The following TGIF1 variants were observed in gnomAD, a reference collection of about 807,000 sequenced individuals.
TGIF1 encodes the protein homeobox protein TGIF1.
In TGIF1, 4 loss-of-function variants were observed where a neutral mutation model predicts 19.3. The ratio of observed to expected loss-of-function variants is 0.21; its 90% CI spans 0.10 to 0.47. TGIF1 has a LOEUF of 0.47. Ranked by LOEUF, TGIF1 falls within the 20% of genes least tolerant of loss-of-function variation. The pLI, the probability that TGIF1 is intolerant of heterozygous loss-of-function variation, is 0.98. For missense variants in TGIF1, 275 were observed against 341.4 expected, an observed-to-expected ratio of 0.81 and a Z score of 1.53; for synonymous variants, 122 against 129.3, an observed-to-expected ratio of 0.94 and a Z score of 0.38.
chr18:3,458,368 G>T lies in TGIF1; in HGVS notation c.*428G>T. The T allele has an allele frequency of 6.2e-6, 1 of 160,730 alleles. No individual in the cohort carries two copies. Among genetic ancestry groups the T allele is most frequent in the Admixed American group, 6.0e-5 (1 of 16,676 alleles). 10.0% of individuals were successfully genotyped at this position (160,730 alleles called of 1,614,324 possible). A position where few individuals can be genotyped will look rare whatever the true frequency, so the allele number is the denominator to read the frequency against. On this transcript the variant is annotated 3_prime_UTR_variant, in exon 3 of 3. Coordinates refer to ENST00000343820, the MANE Select transcript of TGIF1 (RefSeq NM_003244.4). The stretch of plus-strand genomic sequence containing the variant: ...CAAACAAGTATGAATCTAGTTGGTT[G>T]ATGCCTTTTTTTTCATGACATAATA...
At position 3,459,814 on chromosome 18, in the gene TGIF1, G is replaced by A. The variant is rs2049465072; in HGVS notation, c.*1874G>A. Reference sequence around the variant, plus strand: ...CCTATTGAGGTTGTTACAGGTCATGGTTGATAATAGTTGGTGTTGAATGAA... The same window carrying A: ...CCTATTGAGGTTGTTACAGGTCATGATTGATAATAGTTGGTGTTGAATGAA... On this transcript the variant is annotated 3_prime_UTR_variant, in exon 3 of 3. Transcript: ENST00000343820. The A allele has an allele frequency of 2.0e-5, 3 of 152,182 alleles. No individual in the cohort carries two copies. The highest frequency in any genetic ancestry group is 2.0e-4 in the Admixed American group (3 of 15,280). 9.4% of individuals were successfully genotyped at this position (152,182 alleles called of 1,614,324 possible). A position where few individuals can be genotyped will look rare whatever the true frequency, so the allele number is the denominator to read the frequency against.
In TGIF1 at chr18:3,450,451, G is replaced by C; in HGVS notation, c.-39G>C. 1 of 1,553,966 alleles carries C rather than the reference G, an allele frequency of 6.4e-7. No homozygotes were observed. The highest frequency in any genetic ancestry group is 8.7e-7 in the Non-Finnish European group (1 of 1,148,588). On this transcript the variant is annotated 5_prime_UTR_variant, in exon 1 of 3. Transcript: ENST00000343820. ...TGTGTCCCCGCTCCTGGCCCCTCCA[G>C]ACCCCCGCCTTGCCTCGCGCTGGGA...
chr18:3,456,533 C>T lies in TGIF1; in HGVS notation c.196C>T (p.Gln66Ter). ...EHRYNAYPSE[Q>*]EKALLSQQTH... ...CCGTTACAATGCCTATCCTTCAGAG[C>T]AAGAAAAAGCGTTGCTGTCCCAGCA... Residue 66 changes from glutamine to a stop codon, truncating the protein, a stop_gained, in exon 2 of 3, where the codon CAA (glutamine) becomes TAA (stop). Transcript: ENST00000343820. LOFTEE classifies it high-confidence loss of function. This position sits in a 1 kb window ranked among gnomAD's most constrained non-coding sequence, Gnocchi z 4.2. 2 of 1,614,208 alleles carry T rather than the reference C, an allele frequency of 1.2e-6. No individual in the cohort carries two copies. Among genetic ancestry groups the T allele is most frequent in the Non-Finnish European group, 8.5e-7 (1 of 1,180,032 alleles).
chr18:3,449,956 G>C (rs2082846743), upstream of TGIF1: 3 of 986,714 alleles, frequency 3.0e-6, no homozygotes, highest in African/African-American at 1.7e-5. Context: ...GTCCGTGCGC[G>C]GCAGGCGGAA....
At chr18:3,429,333 G>A (rs2143181548) in intron 2 of TGIF1, among the ~76,000 whole-genome samples, 1 of 152,208 alleles carries the variant, frequency 6.6e-6, no homozygotes. Flanking sequence ...ACAGGCATGA[G>A]CCACCATGCT....
intron 2 of TGIF1, among the ~76,000 whole-genome samples, chr18:3,443,439 C>T (rs114168267): frequency 0.015 from 2,229 of 151,388 alleles, 61 homozygotes; most frequent in African/African-American, 0.051. Flanking sequence ...TAGGGTTTCG[C>T]TCTTGTCTCC....
chr18:3,422,795 A>G (rs2082423012), intron 2 of TGIF1, among the ~76,000 whole-genome samples: 3 of 139,672 alleles, frequency 2.1e-5, no homozygotes, highest in African/African-American at 7.9e-5. Flanking sequence ...GGTTCACACC[A>G]TTCTCCTGCC....
upstream of TGIF1, chr18:3,448,606 C>T (rs1002238268): frequency 1.5e-5 from 15 of 985,390 alleles, no homozygotes; most frequent in Non-Finnish European, 1.8e-5. Context: ...AGGTTGCTGC[C>T]TTCTTAGAGA....
At chr18:3,426,042 T>C (rs1460843629) in intron 2 of TGIF1, among the ~76,000 whole-genome samples, 1 of 152,006 alleles carries the variant, frequency 6.6e-6, no homozygotes, top group Non-Finnish European at 1.5e-5. Context: ...TGTTTTTACA[T>C]GTATCCTTTT....
At chr18:3,422,126 G>A (rs1301911149) in intron 2 of TGIF1, among the ~76,000 whole-genome samples, 7 of 149,142 alleles carry the variant, frequency 4.7e-5, no homozygotes, top group South Asian at 2.1e-4. Context: ...CCTGGGAGGC[G>A]GAGATTGCAG....
At position 3,451,730 on chromosome 18, in the gene TGIF1, G is replaced by C; in HGVS notation, c.16+1225G>C. On this transcript the variant is annotated intron_variant, in intron 1 of 2. Coordinates refer to ENST00000343820, the MANE Select transcript of TGIF1 (RefSeq NM_003244.4). This position sits in a 1 kb window ranked among gnomAD's most constrained non-coding sequence, Gnocchi z 5.4. The stretch of plus-strand genomic sequence containing the variant: ...CTCTGCCTCCAGGCTTTCCCAGCGA[G>C]AGTGAAATTAAACTTGAAACTCGGA... 8.0e-7 allele frequency: 1 copy of C among 1,244,232 alleles called. No homozygotes were observed. Among genetic ancestry groups the C allele is most frequent in the Non-Finnish European group, 1.0e-6 (1 of 995,072 alleles). The allele number at this position is 1,244,232 out of a possible 1,614,324, so 77.1% of individuals were successfully genotyped here.
chr18:3,417,285 G>A (rs1236254928), intron 1 of TGIF1, among the ~76,000 whole-genome samples: 1 of 151,846 alleles, frequency 6.6e-6, no homozygotes, highest in Non-Finnish European at 1.5e-5. Context: ...TCAGCCTCCC[G>A]AGTAGCTGGG....
In TGIF1 at chr18:3,451,989, G is replaced by T. The variant is rs751528223; in HGVS notation, c.16+1484G>T. On this transcript the variant is annotated intron_variant, in intron 1 of 2. Transcript: ENST00000343820. This position sits in a 1 kb window ranked among gnomAD's most constrained non-coding sequence, Gnocchi z 5.4. ...GCTCTGTGTTTCGAGGATGGTTCTA[G>T]CGCAGAGCCGGGTGTCTGCCGGGGT... is the stretch of plus-strand genomic sequence containing the variant. 2.9e-5 allele frequency: 46 copies of T among 1,596,616 alleles called. No individual in the cohort carries two copies. Among genetic ancestry groups the T allele is most frequent in the Non-Finnish European group, 3.8e-5 (45 of 1,170,804 alleles).
rs1455024547 is a variant in TGIF1, at chr18:3,456,054, C to T, written c.17-300C>T. 4 of 433,640 alleles carry T rather than the reference C, an allele frequency of 9.2e-6. No homozygotes were observed. The highest frequency in any genetic ancestry group is 6.4e-5 in the South Asian group (3 of 46,558). The allele number at this position is 433,640 out of a possible 1,614,324, so 26.9% of individuals were successfully genotyped here. A position where few individuals can be genotyped will look rare whatever the true frequency, so the allele number is the denominator to read the frequency against. On this transcript the variant is annotated intron_variant, in intron 1 of 2. Coordinates refer to ENST00000343820, the MANE Select transcript of TGIF1 (RefSeq NM_003244.4). This position sits in a 1 kb window ranked among gnomAD's most constrained non-coding sequence, Gnocchi z 4.2. ...ATTCATTTTGGGTGCAGTTTGTCTC[C>T]TCCAATGATTAGACGAAAGAGTTTT...
In TGIF1 at chr18:3,457,312, C is replaced by A; in HGVS notation, c.244-53C>A. 2.5e-6 allele frequency: 4 copies of A among 1,581,390 alleles called. No individual in the cohort carries two copies. In the South Asian group the frequency reaches 4.5e-5, roughly 18 times the overall value. On this transcript the variant is annotated intron_variant, in intron 2 of 2. Coordinates refer to ENST00000343820, the MANE Select transcript of TGIF1 (RefSeq NM_003244.4). The surrounding 1 kb of genome is among the most constrained non-coding windows in gnomAD (Gnocchi z 4.9). ...GGTACCCCATAGAACATTCTCAGAA[C>A]CCGTTGGCTGAGTGAATGAGGAAAA...
rs1184030223 is a variant in TGIF1, at chr18:3,459,628, T to G, written c.*1688T>G. 6.6e-6 allele frequency: 1 copy of G among 152,230 alleles called. No homozygotes were observed. Among genetic ancestry groups the G allele is most frequent in the Non-Finnish European group, 1.5e-5 (1 of 68,040 alleles). 9.4% of individuals were successfully genotyped at this position (152,230 alleles called of 1,614,324 possible). A position where few individuals can be genotyped will look rare whatever the true frequency, so the allele number is the denominator to read the frequency against. On this transcript the variant is annotated 3_prime_UTR_variant, in exon 3 of 3. Transcript: ENST00000343820. ...CAGCTAGATCAAAGGCTGAACATTT[T>G]GCTTTAGTATAGATGAGGGAAATGA...
In TGIF1 at chr18:3,459,804, A is replaced by G. The variant is rs972628496; in HGVS notation, c.*1864A>G. 6.6e-6 allele frequency: 1 copy of G among 152,210 alleles called. No individual in the cohort carries two copies. Among genetic ancestry groups the G allele is most frequent in the African/African-American group, 2.4e-5 (1 of 41,448 alleles). The allele number at this position is 152,210 out of a possible 1,614,324, so 9.4% of individuals were successfully genotyped here. On this transcript the variant is annotated 3_prime_UTR_variant, in exon 3 of 3. Transcript: ENST00000343820. ...TCATTTTTTCCCTATTGAGGTTGTT[A>G]CAGGTCATGGTTGATAATAGTTGGT... is the stretch of plus-strand genomic sequence containing the variant.
intron 2 of TGIF1, among the ~76,000 whole-genome samples, chr18:3,428,580 C>T (rs2082504590): frequency 6.6e-6 from 1 of 151,724 alleles, no homozygotes; most frequent in Admixed American, 6.6e-5. Context: ...CACTAAAATA[C>T]AAAAAGATTA....
rs1479858750 is a variant in TGIF1 at position 3,456,404 on chromosome 18, A to G, written c.67A>G (p.Ile23Val). Residue 23 changes from isoleucine (I) to valine (V), a missense_variant, in exon 2 of 3, where the codon ATT becomes GTT. Coordinates refer to ENST00000343820, the MANE Select transcript of TGIF1 (RefSeq NM_003244.4). The surrounding 1 kb of genome is among the most constrained non-coding windows in gnomAD (Gnocchi z 4.2). The stretch of plus-strand genomic sequence containing the variant: ...GACTGAGGATGAGGACAGCATGGAC[A>G]TTCCCTTGGACCTTTCTTCATCCGC... ...SETEDEDSMD[I>V]PLDLSSSAGS... 6.8e-6 allele frequency: 11 copies of G among 1,614,258 alleles called. No homozygotes were observed. The highest frequency in any genetic ancestry group is 2.2e-5 in the South Asian group (2 of 91,088).
Sources: allele counts gnomAD v4.1 joint callset (sites outside exome capture counted in the v4.1 genomes callset), GRCh38; gene constraint gnomAD v4.1.1; non-coding constraint Gnocchi (gnomAD v3.1); transcripts MANE v1.5; gene names NCBI Gene and HGNC (gene_info 2026-07-23, HGNC 2026-07-21).